FRAS1: variants seen among roughly 807,000 people sequenced by gnomAD.
FRAS1 encodes the protein extracellular matrix organizing protein FRAS1.
In FRAS1, 290 loss-of-function variants were observed where a neutral mutation model predicts 435.2. The ratio of observed to expected loss-of-function variants is 0.67; its 90% CI spans 0.61 to 0.73. The LOEUF (loss-of-function observed/expected upper bound fraction) is 0.73, where lower values mean the gene tolerates loss of function less well. Among genes scored for constraint, FRAS1 ranks in the 30% least tolerant of loss-of-function variants. FRAS1 has a pLI of 0.00. For missense variants in FRAS1, 4,860 were observed against 5,001.5 expected (o/e 0.97, Z 0.85); for synonymous variants, 1,800 against 1,851.0 (o/e 0.97, Z 0.71).
chr4:78,059,546 A>G (rs1739652274), intron 1 of FRAS1, among the ~76,000 whole-genome samples: 1 of 151,688 alleles, frequency 6.6e-6, no homozygotes, highest in South Asian at 2.1e-4. Context: ...TGATTATAAC[A>G]ATAAACCAGA....
rs192325846 is a variant in FRAS1 at position 78,317,486 on chromosome 4, C to T, written c.1938C>T (p.Tyr646=). The T allele has an allele frequency of 1.8e-5, 29 of 1,613,778 alleles. No individual in the cohort carries two copies. The East Asian group carries it at 5.6e-4, about 31-fold the overall frequency. The change falls in exon 17 of 74, where the codon TAC becomes TAT. Residue 646 remains tyrosine, a synonymous_variant. Coordinates refer to ENST00000512123, the MANE Select transcript of FRAS1 (RefSeq NM_025074.7). ...HCLPRCGEGF[Y]SDHGVCKACH... is the part of the protein sequence containing the mutation. ...TGCCCCGCTGTGGAGAGGGTTTCTACTCTGACCATGGAGTCTGCAAAGGTA... is the reference window on the plus strand; with the variant it reads ...TGCCCCGCTGTGGAGAGGGTTTCTATTCTGACCATGGAGTCTGCAAAGGTA...
chr4:78,380,737 T>C (rs886074635), intron 27 of FRAS1, among the ~76,000 whole-genome samples: 6 of 152,200 alleles, frequency 3.9e-5, no homozygotes, highest in African/African-American at 1.4e-4. Context: ...AACAAGGAGT[T>C]GAAACGCTGA....
intron 2 of FRAS1, among the ~76,000 whole-genome samples, chr4:78,143,775 G>A (rs1277246340): frequency 7.9e-5 from 12 of 150,976 alleles, no homozygotes; most frequent in South Asian, 2.1e-4. Flanking sequence ...ATGATGTTGC[G>A]GGCCTGTGGT....
At chr4:78,065,101 CTAAA>C (rs1041884733) in intron 1 of FRAS1, among the ~76,000 whole-genome samples, 7 of 132,636 alleles carry the variant, frequency 5.3e-5, no homozygotes, top group East Asian at 2.3e-4. Context: ...CACACACACA[CTAAA>C]TACTACATAT....
intron 53 of FRAS1, among the ~76,000 whole-genome samples, chr4:78,474,899 TC>T (rs1201670558): frequency 2.1e-5 from 2 of 97,296 alleles, no homozygotes; most frequent in Non-Finnish European, 5.0e-5. Flanking sequence ...ATTAATCATG[TC>T]CTTCCCCCAT....
intron 50 of FRAS1, among the ~76,000 whole-genome samples, chr4:78,467,164 AC>A (rs1296616946): frequency 6.6e-6 from 1 of 152,160 alleles, no homozygotes. Flanking sequence ...GCTAGCAAAA[AC>A]TATGCCTTAT....
chr4:78,390,609 G>A (rs1449435282), intron 29 of FRAS1, among the ~76,000 whole-genome samples: 2 of 152,180 alleles, frequency 1.3e-5, no homozygotes, highest in Non-Finnish European at 2.9e-5. Context: ...TGGGCCCCAA[G>A]CCTTCTGTAA....
In FRAS1 at chr4:78,456,031, G is replaced by A. The variant is rs151087799; in HGVS notation, c.6763+3677G>A. On this transcript the variant is annotated intron_variant, in intron 47 of 73. Coordinates refer to ENST00000512123, the MANE Select transcript of FRAS1 (RefSeq NM_025074.7). ...GAGGCTTCTACCTCTGGCCCAAGGCGAATGCAGCAGCTGTGGTCCTCCTCC... is the reference window on the plus strand; with the variant it reads ...GAGGCTTCTACCTCTGGCCCAAGGCAAATGCAGCAGCTGTGGTCCTCCTCC... Among the ~76,000 whole-genome samples the A allele has an allele frequency of 1.8e-3, 276 of 152,188 alleles. 4 individuals are homozygous for A. Among genetic ancestry groups the A allele is most frequent in the Admixed American group, 5.7e-3 (87 of 15,282 alleles).
At chr4:78,440,063 G>A (rs1002008567) in intron 40 of FRAS1, among the ~76,000 whole-genome samples, 5 of 126,890 alleles carry the variant, frequency 3.9e-5, no homozygotes, top group Non-Finnish European at 6.2e-5. Flanking sequence ...TCGCTCTGTC[G>A]CCCAGGCGGG....
At chr4:78,243,856 A>G (rs1560599588) in intron 3 of FRAS1, among the ~76,000 whole-genome samples, 2 of 152,098 alleles carry the variant, frequency 1.3e-5, no homozygotes, top group African/African-American at 2.4e-5. Flanking sequence ...CCCGGCTTCC[A>G]TGTTAGACTA....
intron 67 of FRAS1, among the ~76,000 whole-genome samples, chr4:78,519,947 T>C (rs1392373675): frequency 1.3e-5 from 2 of 152,212 alleles, no homozygotes; most frequent in Non-Finnish European, 2.9e-5. Context: ...GTCTGCTCTT[T>C]AATTGCATCC....
intron 1 of FRAS1, among the ~76,000 whole-genome samples, chr4:78,061,770 C>T (rs944231433): frequency 2.0e-5 from 3 of 152,100 alleles, no homozygotes; most frequent in Non-Finnish European, 4.4e-5. Context: ...CAGGTTATGT[C>T]CAGTAGGTGG....
chr4:78,364,153 G>A, intron 22 of FRAS1, 99 bp downstream of exon 22: 1 of 1,303,832 alleles, frequency 7.7e-7, no homozygotes, highest in African/African-American at 1.5e-5. Context: ...CTTCTCACCT[G>A]GTAGCCTTTA....
intron 2 of FRAS1, among the ~76,000 whole-genome samples, chr4:78,175,559 G>T (rs4558894): frequency 2.0e-5 from 3 of 151,954 alleles, no homozygotes; most frequent in Middle Eastern, 3.2e-3. Flanking sequence ...GCATTGTATA[G>T]GGAAACCACA....
intron 20 of FRAS1, among the ~76,000 whole-genome samples, chr4:78,341,190 G>A (rs559247533): frequency 9.9e-5 from 15 of 152,174 alleles, no homozygotes; most frequent in African/African-American, 3.4e-4. Flanking sequence ...AGGTGAGTGA[G>A]AATTAGAGGA....
intron 61 of FRAS1, among the ~76,000 whole-genome samples, chr4:78,501,868 G>A (rs752097578): frequency 6.6e-6 from 1 of 152,188 alleles, no homozygotes; most frequent in Non-Finnish European, 1.5e-5. Flanking sequence ...TAACATTTAA[G>A]TCTTTAATCC....
At chr4:78,248,198 C>T (rs1374592631) in intron 4 of FRAS1, among the ~76,000 whole-genome samples, 1 of 152,140 alleles carries the variant, frequency 6.6e-6, no homozygotes, top group African/African-American at 2.4e-5. Flanking sequence ...TTATTATAGC[C>T]AGGATTTGGG....
intron 2 of FRAS1, among the ~76,000 whole-genome samples, chr4:78,144,985 A>G (rs1016776991): frequency 3.9e-5 from 6 of 152,202 alleles, no homozygotes; most frequent in Non-Finnish European, 8.8e-5. Flanking sequence ...AAATACCTGG[A>G]AATGAAATTG....
chr4:78,252,389 C>T lies in FRAS1; in HGVS notation c.310-3C>T, dbSNP rs1310238358. 5.6e-6 allele frequency: 9 copies of T among 1,611,210 alleles called. No homozygotes were observed. The highest frequency in any genetic ancestry group is 7.6e-6 in the Non-Finnish European group (9 of 1,178,926). On this transcript the variant is annotated splice_region_variant and splice_polypyrimidine_tract_variant and intron_variant, in intron 4 of 73. Coordinates refer to ENST00000512123, the MANE Select transcript of FRAS1 (RefSeq NM_025074.7). The stretch of plus-strand genomic sequence containing the variant: ...TTTTTTTTTCTGTCTCCCTAACACA[C>T]AGCATGGGACAGAATGGGCCTCTTC...
Sources: gnomAD v4.1 joint callset for allele counts (sites outside exome capture counted in the v4.1 genomes callset) on GRCh38, gnomAD v4.1.1 for gene constraint, MANE v1.5 for transcripts, NCBI Gene and HGNC (gene_info 2026-07-23, HGNC 2026-07-21) for gene names.